The following NBAS variants were observed in gnomAD, a reference collection of about 807,000 sequenced individuals.
The protein encoded by NBAS is NBAS subunit of NRZ tethering complex.
NBAS carries 219 observed loss-of-function variants against 302.5 expected under a neutral mutation model. The observed-to-expected ratio is 0.72, with a 90% CI of 0.65 to 0.81. The LOEUF is 0.81. Among genes scored for constraint, NBAS ranks in the 30% least tolerant of loss-of-function variants. The probability of loss-of-function intolerance (pLI) is 0.00; values close to 1 mark genes in which losing one functional copy is unlikely to be tolerated. For synonymous variants in NBAS, 1,118 were observed against 1,021.6 expected (o/e 1.09, Z -1.80); for missense variants, 2,932 against 2,841.6 (o/e 1.03, Z -0.72).
intron 47 of NBAS, among the ~76,000 whole-genome samples, chr2:15,221,723 A>G (rs1359779136): frequency 1.3e-5 from 2 of 152,238 alleles, no homozygotes; most frequent in Non-Finnish European, 2.9e-5. Flanking sequence ...GACAGAGAAC[A>G]GCAAGAAAAA....
chr2:15,417,264 T>C (rs922764967), intron 24 of NBAS, among the ~76,000 whole-genome samples: 8 of 152,156 alleles, frequency 5.3e-5, no homozygotes, highest in African/African-American at 1.9e-4. Context: ...CTAGCTAGTT[T>C]AGAAAAACAC....
At chr2:15,528,784 T>C (rs1303952325) in intron 9 of NBAS, among the ~76,000 whole-genome samples, 2 of 149,372 alleles carry the variant, frequency 1.3e-5, no homozygotes, top group Non-Finnish European at 3.0e-5. Flanking sequence ...GAAGAATCAC[T>C]TGAGCTGGGG....
At chr2:15,158,328 C>G in the NBAS span, among the ~76,000 whole-genome samples, 1 of 152,184 alleles carries the variant, frequency 6.6e-6, no homozygotes, top group Non-Finnish European at 1.5e-5. Flanking sequence ...GCTTTTCTCT[C>G]CCTTTCGGCA....
chr2:15,391,391 C>G (rs938299960), intron 28 of NBAS, among the ~76,000 whole-genome samples: 1 of 150,702 alleles, frequency 6.6e-6, no homozygotes, highest in Admixed American at 6.6e-5. Context: ...AAAAAAAACT[C>G]TTAATGAAAA....
In NBAS at chr2:15,224,399, A is replaced by C. The variant is rs1667073615; in HGVS notation, c.6237-5431T>G. Among the ~76,000 whole-genome samples the C allele has an allele frequency of 2.6e-5, 4 of 152,260 alleles. No homozygotes were observed. In the South Asian group the frequency reaches 8.3e-4, roughly 31 times the overall value. On this transcript the variant is annotated intron_variant, in intron 47 of 51. Coordinates refer to ENST00000281513, the MANE Select transcript of NBAS (RefSeq NM_015909.4). The stretch of plus-strand genomic sequence containing the variant: ...TGAGAATGCAAGAAAGCAGAACTAC[A>C]TTCAAGCAAGCAAAACACACACATT...
At chr2:15,339,122 A>G (rs1200215598) in intron 35 of NBAS, among the ~76,000 whole-genome samples, 2 of 152,138 alleles carry the variant, frequency 1.3e-5, no homozygotes, top group African/African-American at 4.8e-5. Context: ...TGAAACCTAC[A>G]TTCTGGAAAA....
At chr2:15,239,078 T>G (rs899937764) in intron 44 of NBAS, among the ~76,000 whole-genome samples, 4 of 152,134 alleles carry the variant, frequency 2.6e-5, no homozygotes, top group African/African-American at 9.7e-5. Flanking sequence ...AATAAGACTA[T>G]TAATATAACC....
At position 15,287,195 on chromosome 2, in the gene NBAS, T is replaced by G. The variant is rs765636145; in HGVS notation, c.5028-12A>C. On this transcript the variant is annotated splice_polypyrimidine_tract_variant and intron_variant, in intron 41 of 51. Transcript: ENST00000281513. ...TTTCCTCTAGAGTTCTGCAGAAATG[T>G]CCATCAAGCCCAGGAAGGGAGAGAG... 1 of 1,602,460 alleles carries G rather than the reference T, an allele frequency of 6.2e-7. No homozygotes were observed. Among genetic ancestry groups the G allele is most frequent in the East Asian group, 2.2e-5 (1 of 44,822 alleles).
At chr2:15,183,716 T>C (rs1044862573) in intron 50 of NBAS, among the ~76,000 whole-genome samples, 21 of 152,172 alleles carry the variant, frequency 1.4e-4, no homozygotes, top group Non-Finnish European at 8.8e-5. Flanking sequence ...ACTAGAGTTC[T>C]TTCTGTTCTA....
At chr2:15,352,385 G>C (rs1421004549) in intron 34 of NBAS, among the ~76,000 whole-genome samples, 1 of 152,104 alleles carries the variant, frequency 6.6e-6, no homozygotes, top group Non-Finnish European at 1.5e-5. Context: ...AATTTGACTG[G>C]GGGGCATATG....
At chr2:14,834,041 T>A in the NBAS span, among the ~76,000 whole-genome samples, 1 of 152,158 alleles carries the variant, frequency 6.6e-6, no homozygotes, top group Non-Finnish European at 1.5e-5. Flanking sequence ...ACCAAACATA[T>A]AAGTTAGCGA....
intron 10 of NBAS, among the ~76,000 whole-genome samples, chr2:15,507,409 A>AGCC (rs1661913848): frequency 6.6e-6 from 1 of 152,018 alleles, no homozygotes; most frequent in African/African-American, 2.4e-5. Flanking sequence ...TTGAAAAAGC[A>AGCC]GCAGCAGCAG....
the NBAS span, among the ~76,000 whole-genome samples, chr2:15,101,515 G>T: frequency 2.0e-5 from 3 of 151,394 alleles, no homozygotes; most frequent in Non-Finnish European, 4.4e-5. Flanking sequence ...TATAGTAATA[G>T]ATATAAATTA....
At chr2:15,177,705 C>A (rs189588518) in intron 51 of NBAS, among the ~76,000 whole-genome samples, 1 of 152,214 alleles carries the variant, frequency 6.6e-6, no homozygotes, top group East Asian at 1.9e-4. Flanking sequence ...TAAGAAAAAA[C>A]TGGCTAAGAA....
chr2:15,140,040 T>C, the NBAS span, among the ~76,000 whole-genome samples: 1 of 152,258 alleles, frequency 6.6e-6, no homozygotes, highest in Non-Finnish European at 1.5e-5. Context: ...GGCTAGGTTG[T>C]AAAGGTGACA....
chr2:15,102,064 T>C, the NBAS span, among the ~76,000 whole-genome samples: 1 of 152,232 alleles, frequency 6.6e-6, no homozygotes, highest in Non-Finnish European at 1.5e-5. Context: ...TTAGTTCCAC[T>C]TTCCCTCAGC....
At chr2:14,991,859 C>T in the NBAS span, among the ~76,000 whole-genome samples, 1 of 152,220 alleles carries the variant, frequency 6.6e-6, no homozygotes, top group African/African-American at 2.4e-5. Flanking sequence ...CAAATTCCTA[C>T]TCTGAATTGT....
At chr2:15,049,842 C>T in the NBAS span, among the ~76,000 whole-genome samples, 1 of 152,092 alleles carries the variant, frequency 6.6e-6, no homozygotes, top group African/African-American at 2.4e-5. Flanking sequence ...GCGACAGGGC[C>T]GGGAAGCCAG....
At chr2:15,469,547 T>A (rs1008299985) in intron 16 of NBAS, among the ~76,000 whole-genome samples, 1 of 152,162 alleles carries the variant, frequency 6.6e-6, no homozygotes, top group Non-Finnish European at 1.5e-5. Context: ...CGTATGTTTA[T>A]AGCGACACTA....
Sources: gnomAD v4.1 joint callset for allele counts (sites outside exome capture counted in the v4.1 genomes callset) on GRCh38, gnomAD v4.1.1 for gene constraint, MANE v1.5 for transcripts, NCBI Gene and HGNC (gene_info 2026-07-23, HGNC 2026-07-21) for gene names.